The following ATF6 variants were observed in gnomAD, a reference collection of about 807,000 sequenced individuals.
The protein encoded by ATF6 is cyclic AMP-dependent transcription factor ATF-6 alpha.
In ATF6, 53 loss-of-function variants were observed where a neutral mutation model predicts 83.6. That is an observed-to-expected ratio of 0.63 (90% CI 0.51 to 0.80). The LOEUF (loss-of-function observed/expected upper bound fraction) is 0.80. Ranked by LOEUF, ATF6 falls within the 30% of genes least tolerant of loss-of-function variation. ATF6 has a pLI of 0.00. For synonymous variants in ATF6, 288 were observed against 285.8 expected (o/e 1.01, Z -0.08); for missense variants, 744 against 797.9 (o/e 0.93, Z 0.81).
chr1:161,859,914 C>T (rs1686846931), intron 12 of ATF6, among the ~76,000 whole-genome samples: 2 of 152,248 alleles, frequency 1.3e-5, no homozygotes, highest in South Asian at 4.1e-4. Context: ...TGTTCAGTAA[C>T]ACTTATATAG....
chr1:161,819,844 C>A, intron 8 of ATF6, 26 bp downstream of exon 8: 4 of 1,566,808 alleles, frequency 2.6e-6, no homozygotes, highest in South Asian at 1.2e-5. Context: ...ACGGCTGAGT[C>A]GAGATGGGCT....
At chr1:161,949,014 A>G (rs943828004) in intron 15 of ATF6, among the ~76,000 whole-genome samples, 3 of 152,230 alleles carry the variant, frequency 2.0e-5, no homozygotes, top group Non-Finnish European at 2.9e-5. Context: ...TCCACCCTGT[A>G]CTTAACCCCA....
intron 15 of ATF6, among the ~76,000 whole-genome samples, chr1:161,932,973 C>A (rs1688464039): frequency 6.6e-6 from 1 of 152,200 alleles, no homozygotes; most frequent in South Asian, 2.1e-4. Flanking sequence ...CTGGCTCTGT[C>A]ACAATAGCAA....
intron 15 of ATF6, among the ~76,000 whole-genome samples, chr1:161,912,942 GA>G (rs958346245): frequency 6.7e-6 from 1 of 149,988 alleles, no homozygotes; most frequent in Non-Finnish European, 1.5e-5. Flanking sequence ...TAGTTTAGAA[GA>G]AAAAAAAAGA....
chr1:161,847,685 A>G (rs905996085), intron 10 of ATF6, among the ~76,000 whole-genome samples: 11 of 152,086 alleles, frequency 7.2e-5, no homozygotes, highest in Non-Finnish European at 5.9e-5. Context: ...TTCATAAGTA[A>G]TTTGTGCAGG....
intron 3 of ATF6, among the ~76,000 whole-genome samples, chr1:161,783,097 G>T (rs572618564): frequency 4.3e-4 from 66 of 152,332 alleles, no homozygotes; most frequent in African/African-American, 1.6e-3. Flanking sequence ...TTTGTGTGGC[G>T]TGGTGTTCTC....
chr1:161,824,557 T>A lies in ATF6; in HGVS notation c.1187+3396T>A, dbSNP rs1275349026. 2.0e-5 allele frequency among the ~76,000 whole-genome samples: 3 copies of A among 152,182 alleles called. No individual in the cohort carries two copies. The East Asian group carries it at 5.8e-4, about 29-fold the overall frequency. The stretch of plus-strand genomic sequence containing the variant: ...TGCTATGTAACTTATTTATTTTCTT[T>A]CTCTCCCTGGAGGTATTTTTATCTC... On this transcript the variant is annotated intron_variant, in intron 9 of 15. Coordinates refer to ENST00000367942, the MANE Select transcript of ATF6 (RefSeq NM_007348.4).
chr1:161,808,132 G>A (rs765249816), intron 7 of ATF6, among the ~76,000 whole-genome samples: 3 of 151,874 alleles, frequency 2.0e-5, no homozygotes, highest in South Asian at 2.1e-4. Flanking sequence ...CACCTGCCTC[G>A]GCCTCCCAAA....
At chr1:161,883,710 A>T (rs1687364907) in intron 14 of ATF6, among the ~76,000 whole-genome samples, 1 of 152,072 alleles carries the variant, frequency 6.6e-6, no homozygotes, top group Non-Finnish European at 1.5e-5. Flanking sequence ...ATATAAAATC[A>T]TATAGATTAA....
chr1:161,823,512 T>G (rs1685813336), intron 9 of ATF6, among the ~76,000 whole-genome samples: 1 of 152,206 alleles, frequency 6.6e-6, no homozygotes, highest in African/African-American at 2.4e-5. Flanking sequence ...AGTATTTTCT[T>G]TACATTCTTT....
rs190198955 is a variant in ATF6 at position 161,812,179 on chromosome 1, G to T, written c.910-7454G>T. Reference sequence around the variant, plus strand: ...AAATCTTATAACAGCTCTTTGAAATGAATCAGGGCCCTGAGGAATACAGAG... The same window carrying T: ...AAATCTTATAACAGCTCTTTGAAATTAATCAGGGCCCTGAGGAATACAGAG... On this transcript the variant is annotated intron_variant, in intron 7 of 15. Coordinates refer to ENST00000367942, the MANE Select transcript of ATF6 (RefSeq NM_007348.4). Among the ~76,000 whole-genome samples the T allele has an allele frequency of 2.0e-5, 3 of 152,000 alleles. No individual in the cohort carries two copies. The East Asian group carries it at 5.8e-4, about 29-fold the overall frequency.
At chr1:161,824,340 G>T (rs1685835787) in intron 9 of ATF6, among the ~76,000 whole-genome samples, 1 of 141,360 alleles carries the variant, frequency 7.1e-6, no homozygotes, top group African/African-American at 2.6e-5. Flanking sequence ...TCAAATAAAA[G>T]TTTTAAAAAA....
chr1:161,851,849 A>G lies in ATF6; in HGVS notation c.1433+14A>G. 6.3e-7 allele frequency: 1 copy of G among 1,584,014 alleles called. No individual in the cohort carries two copies. Among genetic ancestry groups the G allele is most frequent in the Non-Finnish European group, 8.7e-7 (1 of 1,154,576 alleles). ...AGAGTCTCTCAGGTGAGTGTTGTAG[A>G]TTATTGCAGAAACATCTGAGTTGGT... On this transcript the variant is annotated intron_variant, in intron 11 of 15. Coordinates refer to ENST00000367942, the MANE Select transcript of ATF6 (RefSeq NM_007348.4).
chr1:161,930,403 A>C (rs1483140382), intron 15 of ATF6, among the ~76,000 whole-genome samples: 1 of 152,150 alleles, frequency 6.6e-6, no homozygotes, highest in Non-Finnish European at 1.5e-5. Context: ...TCAGTGATCT[A>C]TTTTTTAGAT....
At chr1:161,846,736 A>T (rs1274673241) in intron 10 of ATF6, among the ~76,000 whole-genome samples, 156 bp downstream of exon 10, 1 of 152,198 alleles carries the variant, frequency 6.6e-6, no homozygotes, top group Non-Finnish European at 1.5e-5. Context: ...TTTACTTTTA[A>T]TATTGTAAAA....
At chr1:161,834,785 A>G (rs1393981625) in intron 9 of ATF6, among the ~76,000 whole-genome samples, 1 of 152,188 alleles carries the variant, frequency 6.6e-6, no homozygotes, top group Non-Finnish European at 1.5e-5. Context: ...TAATAATAAT[A>G]ACAAAACAAA....
intron 7 of ATF6, among the ~76,000 whole-genome samples, chr1:161,807,713 T>G (rs1685325743): frequency 6.6e-6 from 1 of 152,134 alleles, no homozygotes; most frequent in African/African-American, 2.4e-5. Flanking sequence ...TCAGTTTCAT[T>G]TGAGGTTACA....
intron 7 of ATF6, among the ~76,000 whole-genome samples, chr1:161,805,443 C>T (rs1348013221): frequency 6.6e-6 from 1 of 152,124 alleles, no homozygotes; most frequent in Non-Finnish European, 1.5e-5. Context: ...CTTATTTTTA[C>T]TTGGCCAGCA....
chr1:161,805,654 T>C (rs181409723), intron 7 of ATF6, among the ~76,000 whole-genome samples: 33 of 152,298 alleles, frequency 2.2e-4, no homozygotes, highest in African/African-American at 7.5e-4. Context: ...GTAACTTGGT[T>C]GACCTCAGTA....
Sources: allele counts gnomAD v4.1 joint callset (sites outside exome capture counted in the v4.1 genomes callset), GRCh38; gene constraint gnomAD v4.1.1; transcripts MANE v1.5; gene names NCBI Gene and HGNC (gene_info 2026-07-23, HGNC 2026-07-21).